Variants in SV2C observed in about 807,000 individuals in gnomAD.
SV2C encodes solute carrier family 22 member B3.
SV2C carries 49 observed loss-of-function variants against 79.7 expected under a neutral mutation model. The observed-to-expected ratio is 0.61, with a 90% CI of 0.49 to 0.78. SV2C has a LOEUF of 0.78. Among genes scored for constraint, SV2C ranks in the 30% least tolerant of loss-of-function variants. SV2C has a pLI of 0.00. For synonymous variants in SV2C, 334 were observed against 333.2 expected (o/e 1.00, Z -0.03); for missense variants, 833 against 912.9 (o/e 0.91, Z 1.13).
rs532672258 is a variant in SV2C at position 76,180,449 on chromosome 5, A to G, written c.581-14470A>G. ...TAGCATAAGCCCTTTGCTATAGTCT[A>G]TTACATCTGCGGCTGTGGTTTCAAG... On this transcript the variant is annotated intron_variant, in intron 2 of 12. Coordinates refer to ENST00000502798, the MANE Select transcript of SV2C (RefSeq NM_014979.4). Among the ~76,000 whole-genome samples, 90 of 152,324 alleles carry G rather than the reference A, an allele frequency of 5.9e-4. 1 individual carries two copies. The South Asian group carries it at 0.016, about 28-fold the overall frequency.
the SV2C span, among the ~76,000 whole-genome samples, chr5:76,031,053 T>C: frequency 6.6e-6 from 1 of 152,212 alleles, no homozygotes; most frequent in East Asian, 1.9e-4. Context: ...TCATGATATT[T>C]TTGAAAAGAT....
At chr5:76,169,980 TAATA>T (rs36171818) in intron 2 of SV2C, among the ~76,000 whole-genome samples, 34,921 of 151,836 alleles carry the variant, frequency 0.23, 4,086 homozygotes, top group African/African-American at 0.27. Flanking sequence ...TGGTAAAAAA[TAATA>T]AATAAATAAA....
chr5:76,191,496 CTA>C (rs1210520105), intron 2 of SV2C, among the ~76,000 whole-genome samples: 2 of 152,130 alleles, frequency 1.3e-5, no homozygotes, highest in Non-Finnish European at 2.9e-5. Context: ...GAGAAAAACA[CTA>C]TATATCATTT....
At chr5:76,214,724 A>T (rs527461252) in intron 4 of SV2C, among the ~76,000 whole-genome samples, 17 of 152,322 alleles carry the variant, frequency 1.1e-4, no homozygotes, top group Non-Finnish European at 1.6e-4. Flanking sequence ...AGTTTTCAAC[A>T]TACAAATCTT....
intron 12 of SV2C, among the ~76,000 whole-genome samples, chr5:76,342,817 T>C (rs1366238186): frequency 6.6e-6 from 1 of 152,202 alleles, no homozygotes; most frequent in African/African-American, 2.4e-5. Context: ...CTCAGTCTTT[T>C]ATTGCATACA....
At chr5:75,859,964 C>A in the SV2C span, among the ~76,000 whole-genome samples, 1 of 152,078 alleles carries the variant, frequency 6.6e-6, no homozygotes, top group Non-Finnish European at 1.5e-5. Context: ...TAGGTGGAGC[C>A]GAAGAGCTCT....
chr5:76,188,148 C>A (rs1416551026), intron 2 of SV2C, among the ~76,000 whole-genome samples: 1 of 152,102 alleles, frequency 6.6e-6, no homozygotes, highest in African/African-American at 2.4e-5. Context: ...GTAGTCCCAA[C>A]TATTTGGGAG....
chr5:75,935,142 G>A, the SV2C span, among the ~76,000 whole-genome samples: 1 of 151,964 alleles, frequency 6.6e-6, no homozygotes, highest in Non-Finnish European at 1.5e-5. Flanking sequence ...GAAGTTATGT[G>A]CTCTAAAATA....
At chr5:76,045,976 G>A in the SV2C span, among the ~76,000 whole-genome samples, 1 of 152,144 alleles carries the variant, frequency 6.6e-6, no homozygotes, top group South Asian at 2.1e-4. Flanking sequence ...AATGTTGCAG[G>A]TGCTAGGTAT....
the SV2C span, among the ~76,000 whole-genome samples, chr5:75,871,984 T>C: frequency 6.8e-6 from 1 of 147,524 alleles, no homozygotes; most frequent in Non-Finnish European, 1.5e-5. Context: ...TTAACAAATA[T>C]ATATAACAAA....
At position 76,146,316 on chromosome 5, in the gene SV2C, A is replaced by C. The variant is rs758622530; in HGVS notation, c.580+13986A>C. On this transcript the variant is annotated intron_variant, in intron 2 of 12. Transcript: ENST00000502798. Reference sequence around the variant, plus strand: ...TTTATTAAGAAAGAAAAGGAATAAAAGAATAGCTACTCCATGGACCAGCCC... The same window carrying C: ...TTTATTAAGAAAGAAAAGGAATAAACGAATAGCTACTCCATGGACCAGCCC... 5.0e-4 allele frequency among the ~76,000 whole-genome samples: 76 copies of C among 152,186 alleles called. 1 individual carries two copies. The highest frequency in any genetic ancestry group is 2.1e-4 in the Non-Finnish European group (14 of 68,030).
chr5:76,140,281 C>G (rs1385856810), intron 2 of SV2C, among the ~76,000 whole-genome samples: 1 of 152,154 alleles, frequency 6.6e-6, no homozygotes, highest in Non-Finnish European at 1.5e-5. Context: ...GTAGTTTTTA[C>G]TTGGATGCTG....
chr5:75,979,011 C>T, the SV2C span, among the ~76,000 whole-genome samples: 5 of 151,992 alleles, frequency 3.3e-5, no homozygotes, highest in African/African-American at 7.2e-5. Flanking sequence ...CAATGACACA[C>T]GTAGCCTCTA....
At chr5:76,157,185 A>G (rs1040630510) in intron 2 of SV2C, among the ~76,000 whole-genome samples, 1 of 152,240 alleles carries the variant, frequency 6.6e-6, no homozygotes, top group Admixed American at 6.5e-5. Context: ...AAAATGACTT[A>G]CTACTTATAA....
chr5:76,094,266 T>C (rs2112104054), intron 1 of SV2C, among the ~76,000 whole-genome samples: 1 of 152,290 alleles, frequency 6.6e-6, no homozygotes, highest in African/African-American at 2.4e-5. Flanking sequence ...TGTATACATC[T>C]GTGTAGCCAA....
intron 4 of SV2C, among the ~76,000 whole-genome samples, chr5:76,224,982 G>C (rs1451080356): frequency 1.3e-5 from 2 of 152,168 alleles, no homozygotes; most frequent in Admixed American, 1.3e-4. Context: ...TTTGCCCTGA[G>C]TTGCTTTGAG....
At position 76,089,910 on chromosome 5, in the gene SV2C, C is replaced by T. The variant is rs115014029; in HGVS notation, c.-102+6398C>T. Among the ~76,000 whole-genome samples the T allele has an allele frequency of 4.4e-3, 669 of 152,272 alleles. 8 individuals are homozygous for T. Among genetic ancestry groups the T allele is most frequent in the South Asian group, 0.025 (122 of 4,822 alleles). On this transcript the variant is annotated intron_variant, in intron 1 of 12. Transcript: ENST00000502798. ...GTAGAGACAGCATAAGGAGAATATA[C>T]GCAAAGCTCCTAGCATGTTACTTCA...
the SV2C span, among the ~76,000 whole-genome samples, chr5:76,037,480 T>C: frequency 1.3e-5 from 2 of 152,208 alleles, no homozygotes; most frequent in Admixed American, 1.3e-4. Flanking sequence ...GACCCTCAGC[T>C]GCAGGTTTGT....
intron 4 of SV2C, among the ~76,000 whole-genome samples, chr5:76,225,318 T>C (rs917126860): frequency 6.6e-6 from 1 of 152,232 alleles, no homozygotes; most frequent in Non-Finnish European, 1.5e-5. Context: ...AATTGCATGA[T>C]CCACTTCTTC....
Sources: gnomAD v4.1 joint callset for allele counts (sites outside exome capture counted in the v4.1 genomes callset) on GRCh38, gnomAD v4.1.1 for gene constraint, MANE v1.5 for transcripts, NCBI Gene and HGNC (gene_info 2026-07-23, HGNC 2026-07-21) for gene names.